ELAVL1: variants seen among roughly 807,000 people sequenced by gnomAD.
ELAVL1 encodes ELAV-like protein 1.
In ELAVL1, 1 loss-of-function variant was observed where a neutral mutation model predicts 28.4. That is an observed-to-expected ratio of 0.04 (90% CI 0.01 to 0.17). ELAVL1 has a LOEUF of 0.17. ELAVL1 is among the 10% of genes least tolerant of loss of function. The pLI, the probability that ELAVL1 is intolerant of heterozygous loss-of-function variation, is 1.00. For synonymous variants in ELAVL1, 174 were observed against 183.5 expected, an observed-to-expected ratio of 0.95 and a Z score of 0.42; for missense variants, 157 against 447.2, an observed-to-expected ratio of 0.35 and a Z score of 5.85.
At chr19:7,993,649 C>A (rs2145224602) in intron 1 of ELAVL1, among the ~76,000 whole-genome samples, 1 of 152,178 alleles carries the variant, frequency 6.6e-6, no homozygotes, top group Admixed American at 6.5e-5. Context: ...GGGCTCACTT[C>A]TCAGAGGCCC....
At chr19:7,996,101 C>G (rs1985866532) in intron 1 of ELAVL1, among the ~76,000 whole-genome samples, 1 of 151,962 alleles carries the variant, frequency 6.6e-6, no homozygotes, top group Non-Finnish European at 1.5e-5. Context: ...GTCTTGAATT[C>G]CTGGTGTCAA....
intron 4 of ELAVL1, among the ~76,000 whole-genome samples, chr19:7,970,444 C>T (rs1410436689): frequency 2.0e-5 from 3 of 151,982 alleles, no homozygotes; most frequent in Non-Finnish European, 4.4e-5. Context: ...CATAAGCCAC[C>T]GTGCCCGGCC....
At chr19:8,005,140 TC>T (rs1379878641) in intron 1 of ELAVL1, among the ~76,000 whole-genome samples, 1 of 151,882 alleles carries the variant, frequency 6.6e-6, no homozygotes, top group East Asian at 1.9e-4. Flanking sequence ...CTCAAAGCGT[TC>T]CCGGCGCTCC....
intron 1 of ELAVL1, among the ~76,000 whole-genome samples, chr19:7,992,141 G>A (rs1273385615): frequency 2.0e-5 from 3 of 152,076 alleles, no homozygotes; most frequent in Admixed American, 6.5e-5. Flanking sequence ...GGGTTTCGTC[G>A]TGTTGGCCAG....
In ELAVL1 at chr19:7,962,090, G is replaced by A. The variant is rs963170895; in HGVS notation, c.*1393C>T. ...AGGCTTTCTCTTTCACCCTTCCTCC[G>A]GGCTCCTGGTTTAAAAGCCACCAGC... On this transcript the variant is annotated 3_prime_UTR_variant, in exon 6 of 6. Transcript: ENST00000407627. The A allele has an allele frequency of 5.2e-5, 8 of 153,516 alleles. No homozygotes were observed. The highest frequency in any genetic ancestry group is 2.0e-4 in the Admixed American group (3 of 15,254). The allele number at this position is 153,516 out of a possible 1,614,324, so 9.5% of individuals were successfully genotyped here.
rs569350670 is a variant in ELAVL1, at chr19:7,999,046, G to C, written c.-17+6449C>G. ...CCCAAAGTGCTGGGATTATAGGTGA[G>C]AGCCACTACACCAGGCTGGCTCATC... On this transcript the variant is annotated intron_variant, in intron 1 of 5. Transcript: ENST00000407627. Among the ~76,000 whole-genome samples the C allele has an allele frequency of 2.6e-5, 4 of 152,204 alleles. No homozygotes were observed. In the South Asian group the frequency reaches 6.2e-4, roughly 24 times the overall value.
chr19:7,991,801 A>C lies in ELAVL1; in HGVS notation c.15T>G (p.Tyr5Ter). 6.2e-7 allele frequency: 1 copy of C among 1,612,564 alleles called. No individual in the cohort carries two copies. Among genetic ancestry groups the C allele is most frequent in the Non-Finnish European group, 8.5e-7 (1 of 1,179,442 alleles). The change falls in exon 2 of 6, where the codon TAT becomes TAG. Residue 5 changes from tyrosine (Y) to a stop codon, truncating the protein, a stop_gained. Coordinates refer to ENST00000407627, the MANE Select transcript of ELAVL1 (RefSeq NM_001419.3). LOFTEE classifies it high-confidence loss of function. ...TGCAGTCTTCGGCCATGTGGTCTTC[A>C]TAACCATTAGACATTGTATTTTTCA... The part of the protein sequence containing the change: MSNG[Y>*]EDHMAEDCRG...
Position 7,967,650 on chromosome 19 carries a change from T to G in ELAVL1, c.571A>C (p.Lys191Gln). The change falls in exon 5 of 6, where the codon AAA becomes CAA. Residue 191 changes from lysine (K) to glutamine (Q), a missense_variant. Physicochemically the swap from Lys to Gln is moderately conservative, Grantham distance 53. Around this residue, in one of 4 missense-constraint regions of ELAVL1, gnomAD observed 107 missense variants for 310.4 expected, o/e 0.34. Transcript: ENST00000407627. ...AGCTGCGAGAGGAGTGCCACGTTTTTGTTCTGGTTGGGGTTGGCTGCAAAC... is the reference window on the plus strand; with the variant it reads ...AGCTGCGAGAGGAGTGCCACGTTTTGGTTCTGGTTGGGGTTGGCTGCAAAC... Reference protein sequence around the residue: ...VKFAANPNQNKNVALLSQLYH... With the variant: ...VKFAANPNQNQNVALLSQLYH... 1 of 1,614,226 alleles carries G rather than the reference T, an allele frequency of 6.2e-7. No individual in the cohort carries two copies. Among genetic ancestry groups the G allele is most frequent in the African/African-American group, 1.3e-5 (1 of 75,054 alleles).
chr19:7,979,591 C>G lies in ELAVL1; in HGVS notation c.276+1492G>C, dbSNP rs1183940712. Reference sequence around the variant, plus strand: ...TGGGGAGTCCAGGGCCAAGGATAAGCCACCTGGGGCTGGAGGCGAGGAAGG... The same window carrying G: ...TGGGGAGTCCAGGGCCAAGGATAAGGCACCTGGGGCTGGAGGCGAGGAAGG... On this transcript the variant is annotated intron_variant, in intron 3 of 5. Coordinates refer to ENST00000407627, the MANE Select transcript of ELAVL1 (RefSeq NM_001419.3). The surrounding 1 kb of genome is among the most constrained non-coding windows in gnomAD (Gnocchi z 5.4). 6.6e-6 allele frequency among the ~76,000 whole-genome samples: 1 copy of G among 152,212 alleles called. No homozygotes were observed. The highest frequency in any genetic ancestry group is 6.5e-5 in the Admixed American group (1 of 15,284).
chr19:7,991,894 C>G, intron 1 of ELAVL1, 63 bp from the exon 2 acceptor site: 1 of 1,275,906 alleles, frequency 7.8e-7, no homozygotes. Flanking sequence ...GAAGGCAAAA[C>G]TAGTAACTGC....
intron 5 of ELAVL1, among the ~76,000 whole-genome samples, chr19:7,964,219 A>G (rs1984890334): frequency 6.6e-6 from 1 of 152,186 alleles, no homozygotes; most frequent in South Asian, 2.1e-4. Context: ...GGGTACGTGC[A>G]GGGGCTGAAC....
At chr19:7,971,029 C>T (rs1330888279) in intron 4 of ELAVL1, among the ~76,000 whole-genome samples, 2 of 152,212 alleles carry the variant, frequency 1.3e-5, no homozygotes, top group African/African-American at 2.4e-5. Flanking sequence ...GCCGGGAGAC[C>T]CTCCTGGCTC....
chr19:7,981,046 G>A lies in ELAVL1; in HGVS notation c.276+37C>T, dbSNP rs1393306092. 2 of 1,602,042 alleles carry A rather than the reference G, an allele frequency of 1.2e-6. No homozygotes were observed. Among genetic ancestry groups the A allele is most frequent in the East Asian group, 2.2e-5 (1 of 44,800 alleles). ...GGGCTCAGCACAGACCTGTGCCCAG[G>A]GCAGGAATGGATGCGGTGGTGATCA... is the stretch of plus-strand genomic sequence containing the variant. On this transcript the variant is annotated intron_variant, in intron 3 of 5. Coordinates refer to ENST00000407627, the MANE Select transcript of ELAVL1 (RefSeq NM_001419.3). The surrounding 1 kb of genome is among the most constrained non-coding windows in gnomAD (Gnocchi z 4.2).
intron 1 of ELAVL1, among the ~76,000 whole-genome samples, chr19:7,993,513 T>C (rs995306012): frequency 6.6e-6 from 1 of 152,260 alleles, no homozygotes; most frequent in Non-Finnish European, 1.5e-5. Flanking sequence ...TTGAAATGTC[T>C]TTCTCAGTTG....
rs1021127560 is a variant in ELAVL1 at position 7,962,005 on chromosome 19, T to G, written c.*1478A>C. On this transcript the variant is annotated 3_prime_UTR_variant, in exon 6 of 6. Coordinates refer to ENST00000407627, the MANE Select transcript of ELAVL1 (RefSeq NM_001419.3). ...GTGATTCTCTCTGTAAACTAGTTAT[T>G]TATAAACGCCAGATCCCAGTCCTGA... is the stretch of plus-strand genomic sequence containing the variant. 1.4e-4 allele frequency: 21 copies of G among 153,420 alleles called. No individual in the cohort carries two copies. Among genetic ancestry groups the G allele is most frequent in the African/African-American group, 5.1e-4 (21 of 41,438 alleles). 9.5% of individuals were successfully genotyped at this position (153,420 alleles called of 1,614,324 possible).
chr19:7,991,785 C>T lies in ELAVL1; in HGVS notation c.31G>A (p.Glu11Lys), dbSNP rs368659692. MSNGYEDHMA[E>K]DCRGDIGRTN... ...CTCCCGATGTCACCCCTGCAGTCTT[C>T]GGCCATGTGGTCTTCATAACCATTA... The change falls in exon 2 of 6, where the codon GAA (glutamate) becomes AAA (lysine). Residue 11 changes from glutamate to lysine, a missense_variant. By Grantham distance (56) the Glu-to-Lys change is moderately conservative. This residue lies in a region of ELAVL1 where 22 missense variants were observed against 23.7 expected (regional missense o/e 0.93). Transcript: ENST00000407627. 1.9e-6 allele frequency: 3 copies of T among 1,613,782 alleles called. No individual in the cohort carries two copies. Among genetic ancestry groups the T allele is most frequent in the Non-Finnish European group, 1.7e-6 (2 of 1,179,944 alleles).
chr19:7,975,840 C>T (rs1049793029), intron 3 of ELAVL1, among the ~76,000 whole-genome samples: 2 of 152,116 alleles, frequency 1.3e-5, no homozygotes, highest in Non-Finnish European at 2.9e-5. Flanking sequence ...GGTGTGGTGG[C>T]GCAGGCCAGT....
chr19:7,961,656 A>T lies in ELAVL1; in HGVS notation c.*1827T>A, dbSNP rs1416087348. 1 of 152,162 alleles carries T rather than the reference A, an allele frequency of 6.6e-6. No homozygotes were observed. The highest frequency in any genetic ancestry group is 1.5e-5 in the Non-Finnish European group (1 of 68,046). The allele number at this position is 152,162 out of a possible 1,614,324, so 9.4% of individuals were successfully genotyped here. ...CCTCTCTGGCACCAGGCCGACTTTTATGAGACACAGCCTGGGTACGGATGG... is the reference window on the plus strand; with the variant it reads ...CCTCTCTGGCACCAGGCCGACTTTTTTGAGACACAGCCTGGGTACGGATGG... On this transcript the variant is annotated 3_prime_UTR_variant, in exon 6 of 6. Coordinates refer to ENST00000407627, the MANE Select transcript of ELAVL1 (RefSeq NM_001419.3).
chr19:7,994,199 G>A (rs1000829636), intron 1 of ELAVL1, among the ~76,000 whole-genome samples: 1 of 152,124 alleles, frequency 6.6e-6, no homozygotes. Context: ...CTATTATTTA[G>A]ACCTGTGGTT....
Sources: gnomAD v4.1 joint callset for allele counts (sites outside exome capture counted in the v4.1 genomes callset) on GRCh38, gnomAD v4.1.1 for gene constraint, gnomAD v4.1.1 regional missense constraint, Gnocchi (gnomAD v3.1) non-coding constraint, MANE v1.5 for transcripts, NCBI Gene and HGNC (gene_info 2026-07-23, HGNC 2026-07-21) for gene names.